The following PRKN variants were observed in gnomAD, a reference collection of about 807,000 sequenced individuals.
The protein encoded by PRKN is E3 ubiquitin-protein ligase parkin.
PRKN carries 56 observed loss-of-function variants against 59.5 expected under a neutral mutation model. The ratio of observed to expected loss-of-function variants is 0.94; its 90% confidence interval spans 0.76 to 1.18. The LOEUF is 1.18. Ranked by LOEUF, PRKN falls within the 50% of genes most tolerant of loss-of-function variation. The probability of loss-of-function intolerance (pLI) is 0.00; values close to 1 mark genes in which losing one functional copy is unlikely to be tolerated. For missense variants in PRKN, 657 were observed against 596.4 expected, an observed-to-expected ratio of 1.10 and a Z score of -1.06; for synonymous variants, 250 against 222.1, an observed-to-expected ratio of 1.13 and a Z score of -1.12.
intron 7 of PRKN, among the ~76,000 whole-genome samples, chr6:161,707,563 G>A (rs949412444): frequency 1.3e-5 from 2 of 152,174 alleles, no homozygotes; most frequent in Non-Finnish European, 2.9e-5. Context: ...CTAAACAGGT[G>A]TTTTAAATGT....
intron 7 of PRKN, among the ~76,000 whole-genome samples, chr6:161,631,293 G>A (rs1462721833): frequency 2.0e-5 from 3 of 152,236 alleles, no homozygotes; most frequent in Non-Finnish European, 4.4e-5. Context: ...TCTTTACCAA[G>A]CATTTAACAT....
At chr6:161,642,788 C>A (rs1294399291) in intron 7 of PRKN, among the ~76,000 whole-genome samples, 1 of 152,128 alleles carries the variant, frequency 6.6e-6, no homozygotes, top group Admixed American at 6.5e-5. Context: ...AGAAGGAACT[C>A]CTTACTATGA....
chr6:161,910,724 T>C (rs1351110228), intron 6 of PRKN, among the ~76,000 whole-genome samples: 16 of 152,192 alleles, frequency 1.1e-4, no homozygotes, highest in Non-Finnish European at 1.8e-4. Context: ...ACTCAATTGA[T>C]GTGGCACATT....
At chr6:162,435,589 T>C (rs889158765) in intron 2 of PRKN, among the ~76,000 whole-genome samples, 2 of 152,298 alleles carry the variant, frequency 1.3e-5, no homozygotes, top group East Asian at 3.9e-4. Context: ...CAGATGATCA[T>C]TCTTTGATTC....
chr6:162,009,275 G>T (rs541354997), intron 5 of PRKN, among the ~76,000 whole-genome samples: 2 of 151,650 alleles, frequency 1.3e-5, no homozygotes, highest in Non-Finnish European at 1.5e-5. Flanking sequence ...AAAGAAAGAG[G>T]TGAGATACTA....
intron 2 of PRKN, among the ~76,000 whole-genome samples, chr6:162,291,757 A>G (rs1051015850): frequency 6.6e-5 from 10 of 152,044 alleles, no homozygotes; most frequent in Non-Finnish European, 1.0e-4. Flanking sequence ...GAGGTTATTC[A>G]CCGCTACGAC....
intron 2 of PRKN, among the ~76,000 whole-genome samples, chr6:162,281,230 C>T (rs1425242934): frequency 6.6e-6 from 1 of 151,388 alleles, no homozygotes; most frequent in African/African-American, 2.4e-5. Context: ...AACACATGGA[C>T]ACAGGGAGGG....
chr6:161,867,818 C>T (rs190436002), intron 6 of PRKN, among the ~76,000 whole-genome samples: 8 of 151,384 alleles, frequency 5.3e-5, no homozygotes, highest in East Asian at 2.0e-4. Context: ...TGGAGTGCAG[C>T]GGCACAATCT....
At chr6:162,691,057 C>T (rs1229960822) in intron 1 of PRKN, among the ~76,000 whole-genome samples, 9 of 152,032 alleles carry the variant, frequency 5.9e-5, no homozygotes, top group Admixed American at 5.9e-4. Context: ...TCCCATTCAT[C>T]TTTTTCAAAA....
intron 6 of PRKN, among the ~76,000 whole-genome samples, chr6:161,944,810 T>C (rs1002956833): frequency 6.6e-6 from 1 of 152,332 alleles, no homozygotes; most frequent in Non-Finnish European, 1.5e-5. Context: ...AAAACAGCCC[T>C]TTTTCTCAGC....
At chr6:162,388,172 C>T (rs1301325280) in intron 2 of PRKN, among the ~76,000 whole-genome samples, 1 of 152,048 alleles carries the variant, frequency 6.6e-6, no homozygotes, top group African/African-American at 2.4e-5. Flanking sequence ...GGCAATGGAC[C>T]AGGTTTCATT....
At chr6:161,982,836 T>C (rs1308727237) in intron 5 of PRKN, among the ~76,000 whole-genome samples, 1 of 70,568 alleles carries the variant, frequency 1.4e-5, no homozygotes, top group Non-Finnish European at 2.6e-5. Flanking sequence ...ATTCAGGACA[T>C]AGGCGTGGGC....
intron 1 of PRKN, among the ~76,000 whole-genome samples, chr6:162,550,184 C>T (rs1334557334): frequency 6.6e-6 from 1 of 152,068 alleles, no homozygotes; most frequent in Non-Finnish European, 1.5e-5. Context: ...GAGTATGTAG[C>T]TAAAAGTCAA....
intron 1 of PRKN, among the ~76,000 whole-genome samples, chr6:162,675,769 G>A (rs1456709952): frequency 6.6e-6 from 1 of 152,108 alleles, no homozygotes; most frequent in Admixed American, 6.5e-5. Context: ...CTTTTGGGAA[G>A]CTTAATGAAA....
intron 7 of PRKN, among the ~76,000 whole-genome samples, chr6:161,746,571 T>TTA (rs550102808): frequency 0.061 from 8,724 of 142,406 alleles, 256 homozygotes; most frequent in Middle Eastern, 0.081. Flanking sequence ...ATATATATAT[T>TTA]TATATATATA....
intron 8 of PRKN, among the ~76,000 whole-genome samples, chr6:161,567,084 A>C (rs1349036067): frequency 6.9e-6 from 1 of 144,146 alleles, no homozygotes; most frequent in African/African-American, 2.6e-5. Context: ...TGTAACAAAG[A>C]CTAGACTGCA....
chr6:161,675,339 C>T (rs183830086), intron 7 of PRKN, among the ~76,000 whole-genome samples: 2 of 152,178 alleles, frequency 1.3e-5, no homozygotes, highest in East Asian at 3.9e-4. Flanking sequence ...GTCTGAGTGC[C>T]CAGTACTAGA....
chr6:162,160,304 G>T (rs191515773), intron 4 of PRKN, among the ~76,000 whole-genome samples: 43 of 152,170 alleles, frequency 2.8e-4, no homozygotes, highest in African/African-American at 9.9e-4. Context: ...ATCACTGATG[G>T]TCAATAGTAT....
chr6:162,172,393 C>T (rs75770869), intron 4 of PRKN, among the ~76,000 whole-genome samples: 1,608 of 152,248 alleles, frequency 0.011, 27 homozygotes, highest in African/African-American at 0.037. Context: ...TCCATTGTTT[C>T]GCATGCACTC....
Sources: gnomAD v4.1 joint callset for allele counts (sites outside exome capture counted in the v4.1 genomes callset) on GRCh38, gnomAD v4.1.1 for gene constraint, MANE v1.5 for transcripts, NCBI Gene and HGNC (gene_info 2026-07-23, HGNC 2026-07-21) for gene names.